PDS5B: variants seen among roughly 807,000 people sequenced by gnomAD.
The protein encoded by PDS5B is PDS5 cohesin associated factor B.
Under a neutral mutation model 184.1 loss-of-function variants are expected in PDS5B, and 51 were observed. That is an observed-to-expected ratio of 0.28 (90% CI 0.22 to 0.35). PDS5B has a LOEUF of 0.35. Among genes scored for constraint, PDS5B ranks in the 10% least tolerant of loss-of-function variants. PDS5B has a pLI of 1.00. For missense variants in PDS5B, 1,180 were observed against 1,723.3 expected (o/e 0.68, Z 5.58); for synonymous variants, 566 against 569.2 (o/e 0.99, Z 0.08).
intron 1 of PDS5B, among the ~76,000 whole-genome samples, chr13:32,616,722 T>A (rs765176006): frequency 5.9e-5 from 9 of 151,904 alleles, no homozygotes; most frequent in South Asian, 2.1e-4. Flanking sequence ...TATAGCCTTT[T>A]AAAAAAAAAT....
chr13:32,707,766 A>C (rs1340354043), intron 18 of PDS5B, among the ~76,000 whole-genome samples: 1 of 150,352 alleles, frequency 6.7e-6, no homozygotes, highest in Admixed American at 6.7e-5. Flanking sequence ...TGAATTTCTT[A>C]GCACCATGCC....
At chr13:32,774,577 G>C (rs1352633087) in intron 34 of PDS5B, among the ~76,000 whole-genome samples, 2 of 152,074 alleles carry the variant, frequency 1.3e-5, no homozygotes, top group Non-Finnish European at 2.9e-5. Flanking sequence ...TTGAATTTTA[G>C]GTTATTTTAC....
At chr13:32,667,893 A>T in intron 7 of PDS5B, 49 bp downstream of exon 7, 2 of 1,179,246 alleles carry the variant, frequency 1.7e-6, no homozygotes, top group Non-Finnish European at 2.4e-6. Context: ...CTGAAAATTT[A>T]AAGACTTGCT....
intron 1 of PDS5B, among the ~76,000 whole-genome samples, chr13:32,595,723 CAATT>C (rs1175709792): frequency 6.6e-6 from 1 of 152,190 alleles, no homozygotes; most frequent in Non-Finnish European, 1.5e-5. Context: ...AGAGAACTAT[CAATT>C]AGACACAGAG....
rs1464377019 is a variant in PDS5B at position 32,587,096 on chromosome 13, C to T, written c.-20+503C>T. Among the ~76,000 whole-genome samples, 9 of 148,406 alleles carry T rather than the reference C, an allele frequency of 6.1e-5. 1 individual carries two copies. The highest frequency in any genetic ancestry group is 1.5e-4 in the African/African-American group (6 of 40,920). On this transcript the variant is annotated intron_variant, in intron 1 of 34. Coordinates refer to ENST00000315596, the MANE Select transcript of PDS5B (RefSeq NM_015032.4). The stretch of plus-strand genomic sequence containing the variant: ...CGGCGCGGTGCTCCTGTTGAATCCT[C>T]CCGCGGGCGGGCTTCTCCCCCTTCC...
intron 1 of PDS5B, among the ~76,000 whole-genome samples, chr13:32,594,946 A>G (rs1274431117): frequency 6.6e-6 from 1 of 152,210 alleles, no homozygotes; most frequent in East Asian, 1.9e-4. Context: ...GTCTTACAGA[A>G]TAAGTAATTC....
At chr13:32,610,206 T>C (rs1349773707) in intron 1 of PDS5B, among the ~76,000 whole-genome samples, 3 of 152,172 alleles carry the variant, frequency 2.0e-5, no homozygotes, top group African/African-American at 7.2e-5. Context: ...TACAAATCAA[T>C]GTAGGTACGT....
At chr13:32,732,617 G>C (rs1953164449) in intron 20 of PDS5B, among the ~76,000 whole-genome samples, 1 of 152,066 alleles carries the variant, frequency 6.6e-6, no homozygotes, top group East Asian at 1.9e-4. Flanking sequence ...TTGTAAATCA[G>C]TACTAATTGT....
At chr13:32,701,596 G>GCACACA (rs34184885) in intron 17 of PDS5B, among the ~76,000 whole-genome samples, 158 bp downstream of exon 17, 2 of 142,146 alleles carry the variant, frequency 1.4e-5, no homozygotes, top group South Asian at 2.3e-4. Flanking sequence ...ATTTGTATAT[G>GCACACA]CACACACACA....
intron 29 of PDS5B, 21 bp from the exon 30 acceptor site, chr13:32,760,554 G>GAA: frequency 6.2e-7 from 1 of 1,610,030 alleles, no homozygotes; most frequent in Non-Finnish European, 8.5e-7. Context: ...AATAAAAAGA[G>GAA]ATGTGCATTT....
At chr13:32,624,651 GA>G (rs2058345796) in intron 1 of PDS5B, among the ~76,000 whole-genome samples, 1 of 152,126 alleles carries the variant, frequency 6.6e-6, no homozygotes, top group Admixed American at 6.6e-5. Context: ...CCTTGGGAAG[GA>G]CTCATGTTTT....
chr13:32,610,463 A>G (rs1269655700), intron 1 of PDS5B, among the ~76,000 whole-genome samples: 3 of 152,172 alleles, frequency 2.0e-5, no homozygotes, highest in African/African-American at 7.2e-5. Context: ...AGTAACACTA[A>G]CAGTTACTCT....
At chr13:32,609,180 C>A (rs1364204653) in intron 1 of PDS5B, among the ~76,000 whole-genome samples, 1 of 152,152 alleles carries the variant, frequency 6.6e-6, no homozygotes, top group Non-Finnish European at 1.5e-5. Context: ...ACACATAAAT[C>A]CTCTCCTTAA....
intron 1 of PDS5B, among the ~76,000 whole-genome samples, chr13:32,600,733 C>T (rs559979488): frequency 1.3e-5 from 2 of 152,274 alleles, no homozygotes; most frequent in Middle Eastern, 3.4e-3. Flanking sequence ...AGTGAGACTT[C>T]GTCTTCAAAA....
intron 21 of PDS5B, among the ~76,000 whole-genome samples, chr13:32,739,160 G>T (rs975263701): frequency 1.3e-5 from 2 of 151,248 alleles, no homozygotes; most frequent in Non-Finnish European, 2.9e-5. Context: ...ATCTGGAATT[G>T]ATTTACTTTT....
chr13:32,770,358 G>A lies in PDS5B; in HGVS notation c.3862G>A (p.Gly1288Ser), dbSNP rs1382217170. The change falls in exon 32 of 35, where the codon GGT (glycine) becomes AGT (serine). Residue 1288 changes from glycine (G) to serine (S), a missense_variant. Transcript: ENST00000315596. The stretch of plus-strand genomic sequence containing the variant: ...TGAACAGAATAGTCCGCCAAAAAAG[G>A]GTAAAAGAGGCCGACCACCAAAACC... ...EDEQNSPPKK[G>S]KRGRPPKPLG... is the part of the protein sequence containing the mutation. The A allele has an allele frequency of 9.3e-6, 15 of 1,613,228 alleles. No homozygotes were observed. In the South Asian group the frequency reaches 1.6e-4, roughly 18 times the overall value.
In PDS5B at chr13:32,775,808, G is replaced by C. The variant is rs937475360; in HGVS notation, c.*756G>C. Reference sequence around the variant, plus strand: ...ATTTAAAGTATTTTAATTTTAAAGAGTGTGTTATAAAATAATGTACTGAAT... The same window carrying C: ...ATTTAAAGTATTTTAATTTTAAAGACTGTGTTATAAAATAATGTACTGAAT... On this transcript the variant is annotated 3_prime_UTR_variant, in exon 35 of 35. Transcript: ENST00000315596. The C allele has an allele frequency of 2.8e-6, 1 of 354,576 alleles. No homozygotes were observed. The highest frequency in any genetic ancestry group is 8.1e-5 in the East Asian group (1 of 12,392). 22.0% of individuals were successfully genotyped at this position (354,576 alleles called of 1,614,324 possible).
chr13:32,693,133 T>TA (rs1392196130), intron 13 of PDS5B, among the ~76,000 whole-genome samples: 1 of 152,060 alleles, frequency 6.6e-6, no homozygotes, highest in African/African-American at 2.4e-5. Flanking sequence ...ATTTTAATCT[T>TA]ACAACTCTTG....
chr13:32,640,043 A>G (rs2058631039), intron 1 of PDS5B, among the ~76,000 whole-genome samples: 1 of 152,120 alleles, frequency 6.6e-6, no homozygotes, highest in South Asian at 2.1e-4. Flanking sequence ...TTCCTTTTCT[A>G]TTCAGTGAAA....
Sources: allele counts gnomAD v4.1 joint callset (sites outside exome capture counted in the v4.1 genomes callset), GRCh38; gene constraint gnomAD v4.1.1; transcripts MANE v1.5; gene names NCBI Gene and HGNC (gene_info 2026-07-23, HGNC 2026-07-21).